EYS: variants seen among roughly 807,000 people sequenced by gnomAD.
The protein encoded by EYS is EGF-like photoreceptor maintenance factor, also known as protein eyes shut homolog.
In EYS, 250 loss-of-function variants were observed where a neutral mutation model predicts 282.1. The ratio of observed to expected loss-of-function variants is 0.89; its 90% confidence interval spans 0.80 to 0.98. EYS has a LOEUF of 0.98. EYS is among the 50% of genes least tolerant of loss of function. The probability of loss-of-function intolerance (pLI) is 0.00; values close to 1 mark genes in which losing one functional copy is unlikely to be tolerated. For synonymous variants in EYS, 1,355 were observed against 1,282.9 expected (o/e 1.06, Z -1.20); for missense variants, 4,016 against 3,709.0 (o/e 1.08, Z -2.15).
At chr6:63,755,204 A>G (rs1012044059) in intron 41 of EYS, among the ~76,000 whole-genome samples, 2 of 152,142 alleles carry the variant, frequency 1.3e-5, no homozygotes, top group African/African-American at 4.8e-5. Context: ...CTTAGATCCC[A>G]CTTGTCAATT....
At chr6:64,939,400 C>G (rs1208936943) in intron 15 of EYS, among the ~76,000 whole-genome samples, 1 of 151,796 alleles carries the variant, frequency 6.6e-6, no homozygotes, top group African/African-American at 2.4e-5. Context: ...ACATTTAAAT[C>G]ACTAGGAGTT....
intron 12 of EYS, among the ~76,000 whole-genome samples, chr6:65,153,906 T>G (rs910686164): frequency 2.6e-5 from 4 of 151,844 alleles, no homozygotes; most frequent in Admixed American, 6.6e-5. Flanking sequence ...TTTATATTAT[T>G]AATAGATACA....
intron 2 of EYS, among the ~76,000 whole-genome samples, chr6:65,604,868 G>A (rs1765733014): frequency 7.1e-6 from 1 of 141,304 alleles, no homozygotes; most frequent in Non-Finnish European, 1.5e-5. Context: ...TTTTGAGACA[G>A]GGTCTTGCTC....
intron 41 of EYS, among the ~76,000 whole-genome samples, chr6:63,737,624 C>T (rs1768953658): frequency 6.6e-6 from 1 of 152,084 alleles, no homozygotes; most frequent in Non-Finnish European, 1.5e-5. Flanking sequence ...GGGAGGATTC[C>T]CTCTTTTTCT....
chr6:65,376,415 C>A (rs931064306), intron 8 of EYS, among the ~76,000 whole-genome samples: 17 of 152,036 alleles, frequency 1.1e-4, no homozygotes, highest in Admixed American at 6.6e-5. Context: ...CCAGCCACTG[C>A]AAAAACATAC....
intron 31 of EYS, among the ~76,000 whole-genome samples, chr6:64,162,117 A>G (rs751078768): frequency 1.3e-5 from 2 of 152,176 alleles, no homozygotes; most frequent in African/African-American, 2.4e-5. Context: ...TTTTCTCAGC[A>G]TAAGTCCCTT....
At chr6:64,147,778 C>G (rs1042735322) in intron 31 of EYS, among the ~76,000 whole-genome samples, 1 of 152,114 alleles carries the variant, frequency 6.6e-6, no homozygotes, top group Non-Finnish European at 1.5e-5. Context: ...TTTGCCCGTG[C>G]TATGTAGATT....
intron 12 of EYS, among the ~76,000 whole-genome samples, chr6:65,221,649 C>T (rs1355303519): frequency 6.6e-6 from 1 of 151,924 alleles, no homozygotes; most frequent in Non-Finnish European, 1.5e-5. Flanking sequence ...GGAGTTGGAG[C>T]CCCCACACAG....
At chr6:64,313,437 G>A (rs1769809598) in intron 29 of EYS, among the ~76,000 whole-genome samples, 1 of 152,064 alleles carries the variant, frequency 6.6e-6, no homozygotes, top group South Asian at 2.1e-4. Context: ...GGGGAGAATG[G>A]AACCAAATTG....
intron 22 of EYS, among the ~76,000 whole-genome samples, chr6:64,632,232 G>A (rs1767807049): frequency 6.6e-6 from 1 of 151,972 alleles, no homozygotes; most frequent in African/African-American, 2.4e-5. Context: ...AATCACCACA[G>A]TTCTTTTCCG....
At chr6:64,446,851 T>C (rs756829757) in intron 26 of EYS, among the ~76,000 whole-genome samples, 29 of 151,988 alleles carry the variant, frequency 1.9e-4, no homozygotes, top group Non-Finnish European at 3.4e-4. Flanking sequence ...TATGTATTGC[T>C]CTCCACAGTA....
At chr6:65,138,168 T>C (rs1462754576) in intron 12 of EYS, among the ~76,000 whole-genome samples, 2 of 152,052 alleles carry the variant, frequency 1.3e-5, no homozygotes, top group East Asian at 1.9e-4. Flanking sequence ...TTGAGTCCTA[T>C]TGAGGAAAAA....
intron 22 of EYS, among the ~76,000 whole-genome samples, chr6:64,802,023 C>CTTTTTTTCT (rs1663451250): frequency 2.0e-4 from 14 of 70,780 alleles, no homozygotes; most frequent in African/African-American, 6.9e-4. Flanking sequence ...ATTTCTTTTT[C>CTTTTTTTCT]TTTTTTTTTC....
Position 65,335,027 on chromosome 6 carries a change from A to T in EYS, c.1719T>A (p.Asn573Lys). 1 of 1,611,276 alleles carries T rather than the reference A, an allele frequency of 6.2e-7. No homozygotes were observed. The highest frequency in any genetic ancestry group is 8.5e-7 in the Non-Finnish European group (1 of 1,178,276). ...YLENTTDDQE[N>K]ECQHEAVCKD... ...TACAAACAGCTTCATGTTGACACTC[A>T]TTTTCTTGATCATCAGTTGTATTTT... Residue 573 changes from asparagine (N) to lysine (K), a missense_variant, in exon 11 of 43, where the codon AAT (asparagine) becomes AAA (lysine). By Grantham distance (94) the Asn-to-Lys change is moderately conservative. Coordinates refer to ENST00000503581, the MANE Select transcript of EYS (RefSeq NM_001142800.2).
At chr6:64,488,037 T>A (rs1001415700) in intron 26 of EYS, among the ~76,000 whole-genome samples, 1 of 151,104 alleles carries the variant, frequency 6.6e-6, no homozygotes, top group Non-Finnish European at 1.5e-5. Flanking sequence ...ATGTTATCTG[T>A]AAGTTCAACC....
chr6:64,578,978 A>G (rs1162934882), intron 26 of EYS, among the ~76,000 whole-genome samples: 1 of 152,128 alleles, frequency 6.6e-6, no homozygotes, highest in African/African-American at 2.4e-5. Context: ...TAGATTTGGG[A>G]GGCAACAGAA....
At chr6:65,393,281 C>T (rs1000197445) in intron 7 of EYS, among the ~76,000 whole-genome samples, 1 of 152,060 alleles carries the variant, frequency 6.6e-6, no homozygotes, top group East Asian at 1.9e-4. Context: ...ACGTAACTAA[C>T]CTGTACATTG....
In EYS at chr6:64,591,503, A is replaced by C; in HGVS notation, c.4364T>G (p.Ile1455Arg). The C allele has an allele frequency of 6.4e-7, 1 of 1,551,280 alleles. No individual in the cohort carries two copies. The highest frequency in any genetic ancestry group is 8.7e-7 in the Non-Finnish European group (1 of 1,146,756). ...CCTAGAGACAACTGGAGTTGCACTTATGGAGGCAGCTATAAGCAGGAATCC... is the reference window on the plus strand; with the variant it reads ...CCTAGAGACAACTGGAGTTGCACTTCTGGAGGCAGCTATAAGCAGGAATCC... ...SRGFLLIAAS[I>R]SATPVVSRGA... The change falls in exon 26 of 43, where the codon ATA becomes AGA. Residue 1455 changes from isoleucine (I) to arginine (R), a missense_variant. Ile to Arg is a moderately conservative substitution (Grantham distance 97). Coordinates refer to ENST00000503581, the MANE Select transcript of EYS (RefSeq NM_001142800.2).
chr6:65,241,559 A>G lies in EYS; in HGVS notation c.2023+54304T>C, dbSNP rs553961498. Among the ~76,000 whole-genome samples, 117 of 152,152 alleles carry G rather than the reference A, an allele frequency of 7.7e-4. 1 individual carries two copies. Among genetic ancestry groups the G allele is most frequent in the African/African-American group, 2.7e-3 (114 of 41,538 alleles). On this transcript the variant is annotated intron_variant, in intron 12 of 42. Coordinates refer to ENST00000503581, the MANE Select transcript of EYS (RefSeq NM_001142800.2). ...ATTTTTACAAAAATTTCATTTTGTA[A>G]TTATTTATAATAATTTATATCTGCA...
Sources: gnomAD v4.1 joint callset for allele counts (sites outside exome capture counted in the v4.1 genomes callset) on GRCh38, gnomAD v4.1.1 for gene constraint, MANE v1.5 for transcripts, NCBI Gene and HGNC (gene_info 2026-07-23, HGNC 2026-07-21) for gene names.